The following ACER2 variants were observed in gnomAD, a reference collection of about 807,000 sequenced individuals.
ACER2 encodes the protein alkaline ceramidase 2.
In ACER2, 26 loss-of-function variants were observed where a neutral mutation model predicts 34.7. The ratio of observed to expected loss-of-function variants is 0.75; its 90% CI spans 0.55 to 1.04. The LOEUF (loss-of-function observed/expected upper bound fraction) is 1.04. ACER2 is among the 50% of genes least tolerant of loss of function. The probability of loss-of-function intolerance (pLI) is 0.00; values close to 1 mark genes in which losing one functional copy is unlikely to be tolerated. For missense variants in ACER2, 352 were observed against 340.8 expected (o/e 1.03, Z -0.26); for synonymous variants, 138 against 132.1 (o/e 1.04, Z -0.31).
chr9:19,436,881 A>G (rs1830993947), intron 4 of ACER2, among the ~76,000 whole-genome samples: 2 of 152,150 alleles, frequency 1.3e-5, no homozygotes, highest in Admixed American at 1.3e-4. Context: ...CAAATAGAAT[A>G]GCTTGTTTTC....
intron 3 of ACER2, 133 bp from the exon 4 acceptor site, chr9:19,434,814 G>C: frequency 1.7e-6 from 2 of 1,156,908 alleles, no homozygotes; most frequent in Non-Finnish European, 2.5e-6. Flanking sequence ...GTGGCTTTTT[G>C]AACCTTGGTA....
rs114409156 is a variant in ACER2, at chr9:19,423,518, A to G, written c.109-344A>G. On this transcript the variant is annotated intron_variant, in intron 1 of 5. Coordinates refer to ENST00000340967, the MANE Select transcript of ACER2 (RefSeq NM_001010887.3). ...GAGTTCCGAGACCAGCCCGGCCAAC[A>G]TGGTGAAACCTCATCTTACTAAAAA... Among the ~76,000 whole-genome samples the G allele has an allele frequency of 4.3e-3, 661 of 152,316 alleles. 5 individuals are homozygous for G. The highest frequency in any genetic ancestry group is 0.015 in the African/African-American group (637 of 41,574).
intron 3 of ACER2, among the ~76,000 whole-genome samples, chr9:19,431,038 C>G (rs916385860): frequency 1.3e-5 from 2 of 151,952 alleles, no homozygotes; most frequent in Non-Finnish European, 2.9e-5. Context: ...AAGCTTACTG[C>G]CTTTAAACCA....
chr9:19,413,278 A>G (rs1030985645), intron 1 of ACER2, among the ~76,000 whole-genome samples: 2 of 152,150 alleles, frequency 1.3e-5, no homozygotes, highest in Non-Finnish European at 2.9e-5. Context: ...AATTTTATTA[A>G]TTGAGTTCCT....
At chr9:19,437,049 A>G (rs1293877043) in intron 4 of ACER2, among the ~76,000 whole-genome samples, 16 of 152,162 alleles carry the variant, frequency 1.1e-4, no homozygotes, top group Admixed American at 1.0e-3. Flanking sequence ...GGCATTCTCC[A>G]AGATTGTGTA....
chr9:19,428,044 TTTCC>T (rs1830631127), intron 3 of ACER2, among the ~76,000 whole-genome samples: 1 of 137,316 alleles, frequency 7.3e-6, no homozygotes, highest in Admixed American at 7.3e-5. Flanking sequence ...TTTCCTTTCC[TTTCC>T]TTTCCTTTCC....
intron 3 of ACER2, among the ~76,000 whole-genome samples, chr9:19,427,868 A>T (rs978920743): frequency 1.9e-4 from 29 of 151,832 alleles, no homozygotes; most frequent in Non-Finnish European, 3.4e-4. Flanking sequence ...GGGTTTCACC[A>T]TGTTAGCCAG....
intron 5 of ACER2, among the ~76,000 whole-genome samples, chr9:19,447,195 T>A (rs1031758825): frequency 6.6e-6 from 1 of 152,150 alleles, no homozygotes; most frequent in African/African-American, 2.4e-5. Flanking sequence ...GGAGGAGAAA[T>A]CTGCTGTAGG....
intron 4 of ACER2, among the ~76,000 whole-genome samples, chr9:19,438,767 G>A (rs1465420990): frequency 6.6e-6 from 1 of 152,182 alleles, no homozygotes; most frequent in African/African-American, 2.4e-5. Flanking sequence ...AAAAGGGAAA[G>A]GGAAAGGTTT....
intron 1 of ACER2, among the ~76,000 whole-genome samples, chr9:19,415,008 T>G (rs1830200247): frequency 6.6e-6 from 1 of 152,198 alleles, no homozygotes; most frequent in Non-Finnish European, 1.5e-5. Flanking sequence ...CCTTCATCTT[T>G]TTCTCTTGGG....
intron 3 of ACER2, among the ~76,000 whole-genome samples, chr9:19,432,689 G>A (rs1026004927): frequency 1.4e-5 from 2 of 147,180 alleles, no homozygotes; most frequent in African/African-American, 4.9e-5. Flanking sequence ...ATATAGATAT[G>A]TATAATATAG....
At chr9:19,425,635 A>G (rs369764482) in intron 3 of ACER2, among the ~76,000 whole-genome samples, 26 of 152,314 alleles carry the variant, frequency 1.7e-4, no homozygotes, top group Admixed American at 3.9e-4. Context: ...AGTGAAGCTG[A>G]TAAGGGTATA....
chr9:19,444,774 C>G (rs957923226), intron 4 of ACER2, among the ~76,000 whole-genome samples: 1 of 152,146 alleles, frequency 6.6e-6, no homozygotes. Context: ...GAGTGGTAAT[C>G]GAAAGCGAGA....
In ACER2 at chr9:19,434,102, G is replaced by T. The variant is rs1273503608; in HGVS notation, c.366-845G>T. 8.4e-3 allele frequency among the ~76,000 whole-genome samples: 1,258 copies of T among 149,060 alleles called. 14 individuals carry two copies. Among genetic ancestry groups the T allele is most frequent in the African/African-American group, 0.029 (1,183 of 40,310 alleles). ...CTCCTCACCTCCCAGACGGGGTGGC[G>T]GCCGGGCAGAGGCGCTCCTCACATC... On this transcript the variant is annotated intron_variant, in intron 3 of 5. Coordinates refer to ENST00000340967, the MANE Select transcript of ACER2 (RefSeq NM_001010887.3).
intron 1 of ACER2, among the ~76,000 whole-genome samples, chr9:19,420,086 C>G (rs1830357212): frequency 6.6e-6 from 1 of 152,180 alleles, no homozygotes; most frequent in South Asian, 2.1e-4. Context: ...CTGAAGCATT[C>G]TATTTAGTTG....
chr9:19,446,632 G>C, intron 5 of ACER2: 1 of 985,394 alleles, frequency 1.0e-6, no homozygotes, highest in Non-Finnish European at 1.2e-6. Context: ...GGAACGAAAG[G>C]CCTGATTGTC....
chr9:19,435,183 T>G (rs1830920293), intron 4 of ACER2, 99 bp downstream of exon 4: 3 of 1,432,134 alleles, frequency 2.1e-6, no homozygotes, highest in African/African-American at 1.4e-5. Context: ...AGGAGTTTTA[T>G]TCCTTGTGAA....
At chr9:19,430,127 C>G (rs1209191269) in intron 3 of ACER2, among the ~76,000 whole-genome samples, 1 of 144,094 alleles carries the variant, frequency 6.9e-6, no homozygotes, top group Non-Finnish European at 1.5e-5. Flanking sequence ...CCCTGTGTCC[C>G]TTTTTACTGT....
Position 19,423,873 on chromosome 9 carries a change from C to T in ACER2, c.120C>T (p.Val40=). Residue 40 remains valine (V), a synonymous_variant, in exon 2 of 6, where the codon GTC becomes GTT. Coordinates refer to ENST00000340967, the MANE Select transcript of ACER2 (RefSeq NM_001010887.3). ...IAEFYNTISN[V]LFFILPPICM... is the part of the protein sequence containing the mutation. Reference sequence around the variant, plus strand: ...TTTTTTTCCTGCAGATCAGCAATGTCTTATTTTTCATTTTACCGCCCATCT... The same window carrying T: ...TTTTTTTCCTGCAGATCAGCAATGTTTTATTTTTCATTTTACCGCCCATCT... The T allele has an allele frequency of 6.2e-7, 1 of 1,613,542 alleles. No individual in the cohort carries two copies. The highest frequency in any genetic ancestry group is 1.1e-5 in the South Asian group (1 of 91,066).
Sources: allele counts gnomAD v4.1 joint callset (sites outside exome capture counted in the v4.1 genomes callset), GRCh38; gene constraint gnomAD v4.1.1; transcripts MANE v1.5; gene names NCBI Gene and HGNC (gene_info 2026-07-23, HGNC 2026-07-21).